The following PPP2R2C variants were observed in gnomAD, a reference collection of about 807,000 sequenced individuals.
The protein encoded by PPP2R2C is protein phosphatase 2, regulatory subunit B, gamma.
In PPP2R2C, 10 loss-of-function variants were observed where a neutral mutation model predicts 45.3. The observed-to-expected ratio is 0.22, with a 90% CI of 0.14 to 0.37. The LOEUF (loss-of-function observed/expected upper bound fraction) is 0.37, where lower values mean the gene tolerates loss of function less well. Ranked by LOEUF, PPP2R2C falls within the 10% of genes least tolerant of loss-of-function variation. The pLI, the probability that PPP2R2C is intolerant of heterozygous loss-of-function variation, is 1.00. For synonymous variants in PPP2R2C, 257 were observed against 245.4 expected (o/e 1.05, Z -0.44); for missense variants, 308 against 619.7 (o/e 0.50, Z 5.34).
chr4:6,549,271 C>A (rs960018462), intron 1 of PPP2R2C, among the ~76,000 whole-genome samples: 2 of 152,094 alleles, frequency 1.3e-5, no homozygotes, highest in Non-Finnish European at 2.9e-5. Context: ...CCACCTCCAC[C>A]CCCACCCTTC....
At chr4:6,482,447 A>G (rs1486760181) in intron 2 of PPP2R2C, among the ~76,000 whole-genome samples, 1 of 152,184 alleles carries the variant, frequency 6.6e-6, no homozygotes, top group Non-Finnish European at 1.5e-5. Flanking sequence ...CTACCTCCGA[A>G]AGGGCTGGTA....
chr4:6,366,404 G>A (rs1006110788), intron 5 of PPP2R2C, among the ~76,000 whole-genome samples: 2 of 152,130 alleles, frequency 1.3e-5, no homozygotes, highest in African/African-American at 4.8e-5. Context: ...TGGAAGTGGT[G>A]AACTTCCAGC....
intron 6 of PPP2R2C, among the ~76,000 whole-genome samples, chr4:6,337,689 T>C (rs1482982340): frequency 6.6e-6 from 1 of 151,890 alleles, no homozygotes; most frequent in Admixed American, 6.6e-5. Context: ...GCAGAACGAG[T>C]GGCCAAGTAT....
intron 2 of PPP2R2C, among the ~76,000 whole-genome samples, chr4:6,491,617 C>G (rs572375384): frequency 6.6e-5 from 10 of 152,322 alleles, no homozygotes; most frequent in Non-Finnish European, 1.5e-5. Flanking sequence ...AGTCTCATGT[C>G]AAATTGCAAT....
chr4:6,530,371 C>A (rs1333942486), intron 2 of PPP2R2C, among the ~76,000 whole-genome samples: 3 of 152,176 alleles, frequency 2.0e-5, no homozygotes, highest in African/African-American at 7.2e-5. Context: ...ACCGCACCTG[C>A]ACTGACTTTA....
At chr4:6,379,134 C>A (rs977345612) in intron 2 of PPP2R2C, among the ~76,000 whole-genome samples, 1 of 152,124 alleles carries the variant, frequency 6.6e-6, no homozygotes, top group Non-Finnish European at 1.5e-5. Context: ...TGGGAGCAGA[C>A]TTTAACATTG....
chr4:6,511,670 TGGTG>T (rs1723524817), intron 2 of PPP2R2C, among the ~76,000 whole-genome samples: 2 of 35,982 alleles, frequency 5.6e-5, no homozygotes, highest in African/African-American at 2.0e-4. Flanking sequence ...GTGGTGATGG[TGGTG>T]ATGGTGGTGG....
intron 2 of PPP2R2C, among the ~76,000 whole-genome samples, chr4:6,505,174 C>A (rs753358987): frequency 2.0e-5 from 3 of 150,214 alleles, no homozygotes; most frequent in African/African-American, 4.9e-5. Flanking sequence ...AAAAAAAAAG[C>A]CTGTCAATCC....
intron 1 of PPP2R2C, among the ~76,000 whole-genome samples, chr4:6,412,121 T>A (rs1013013286): frequency 7.2e-5 from 11 of 152,188 alleles, no homozygotes; most frequent in Non-Finnish European, 1.3e-4. Context: ...AAATCCTCAC[T>A]GAATGGTCAG....
At chr4:6,382,717 C>T in intron 1 of PPP2R2C, 1 of 329,024 alleles carries the variant, frequency 3.0e-6, no homozygotes, top group South Asian at 3.0e-5. Flanking sequence ...ACACACACAC[C>T]CCACATCCAA....
chr4:6,396,238 A>C (rs1169032876), intron 1 of PPP2R2C, among the ~76,000 whole-genome samples: 2 of 152,176 alleles, frequency 1.3e-5, no homozygotes, highest in African/African-American at 2.4e-5. Flanking sequence ...AGTGCAGATC[A>C]GGCCAGCCCC....
chr4:6,373,874 T>C (rs973040007), intron 4 of PPP2R2C, among the ~76,000 whole-genome samples: 1 of 151,262 alleles, frequency 6.6e-6, no homozygotes, highest in African/African-American at 2.4e-5. Flanking sequence ...TGTGCATGCA[T>C]GACTGAGTAT....
intron 5 of PPP2R2C, 145 bp downstream of exon 5, chr4:6,372,378 T>C (rs756173868): frequency 3.5e-5 from 29 of 824,146 alleles, no homozygotes; most frequent in Non-Finnish European, 5.3e-5. Context: ...CTCACACGCA[T>C]ACTAGGAGCC....
intron 1 of PPP2R2C, among the ~76,000 whole-genome samples, chr4:6,395,143 C>T (rs1258454950): frequency 2.6e-5 from 4 of 152,218 alleles, no homozygotes; most frequent in East Asian, 1.9e-4. Context: ...AAACCTCATC[C>T]GATGGCCCTC....
intron 1 of PPP2R2C, among the ~76,000 whole-genome samples, chr4:6,412,129 C>T (rs968892995): frequency 6.0e-4 from 92 of 152,260 alleles, no homozygotes; most frequent in African/African-American, 2.1e-3. Flanking sequence ...ACTGAATGGT[C>T]AGCTTGTTTA....
At chr4:6,351,750 C>A (rs1285149240) in intron 5 of PPP2R2C, among the ~76,000 whole-genome samples, 2 of 152,092 alleles carry the variant, frequency 1.3e-5, no homozygotes, top group African/African-American at 2.4e-5. Flanking sequence ...GCAAGCAGTC[C>A]CGAGCCTCTG....
intron 1 of PPP2R2C, among the ~76,000 whole-genome samples, chr4:6,443,738 G>A (rs906182317): frequency 6.6e-6 from 1 of 152,194 alleles, no homozygotes; most frequent in Non-Finnish European, 1.5e-5. Flanking sequence ...TCTGAAAGAT[G>A]CTGGGTGCTC....
rs1339247079 is a variant in PPP2R2C, at chr4:6,328,580, G to A, written c.1052+682C>T. 2.0e-5 allele frequency among the ~76,000 whole-genome samples: 3 copies of A among 152,228 alleles called. No homozygotes were observed. The highest frequency in any genetic ancestry group is 7.2e-5 in the African/African-American group (3 of 41,462). ...GAGACACAGAGGTAAGGACCCACGG[G>A]TAGAGGTCAGGTCAGGAGCCCCTGC... On this transcript the variant is annotated intron_variant, in intron 8 of 8. Coordinates refer to ENST00000382599, the MANE Select transcript of PPP2R2C (RefSeq NM_020416.4). This position sits in a 1 kb window ranked among gnomAD's most constrained non-coding sequence, Gnocchi z 4.4.
intron 2 of PPP2R2C, among the ~76,000 whole-genome samples, chr4:6,484,442 T>G (rs1456808526): frequency 6.6e-6 from 1 of 151,874 alleles, no homozygotes; most frequent in Non-Finnish European, 1.5e-5. Context: ...TTCTTCTATT[T>G]CAAAGTTGTT....
Sources: allele counts gnomAD v4.1 joint callset (sites outside exome capture counted in the v4.1 genomes callset), GRCh38; gene constraint gnomAD v4.1.1; non-coding constraint Gnocchi (gnomAD v3.1); transcripts MANE v1.5; gene names NCBI Gene and HGNC (gene_info 2026-07-23, HGNC 2026-07-21).